The following DPY19L3 variants were observed in gnomAD, a reference collection of about 807,000 sequenced individuals.
DPY19L3 encodes protein C-mannosyl-transferase DPY19L3.
In DPY19L3, 51 loss-of-function variants were observed where a neutral mutation model predicts 92.3. The observed-to-expected ratio is 0.55, with a 90% CI of 0.44 to 0.70. DPY19L3 has a LOEUF of 0.70. DPY19L3 is among the 30% of genes least tolerant of loss of function. The pLI, the probability that DPY19L3 is intolerant of heterozygous loss-of-function variation, is 0.00. For missense variants in DPY19L3, 706 were observed against 855.9 expected, an observed-to-expected ratio of 0.82 and a Z score of 2.18; for synonymous variants, 309 against 315.2, an observed-to-expected ratio of 0.98 and a Z score of 0.21.
At chr19:32,419,050 C>T (rs765740699) in intron 3 of DPY19L3, among the ~76,000 whole-genome samples, 1 of 151,720 alleles carries the variant, frequency 6.6e-6, no homozygotes, top group Middle Eastern at 3.2e-3. Context: ...TTATATTTCC[C>T]TTGCTAGGAA....
intron 9 of DPY19L3, 146 bp downstream of exon 9, chr19:32,453,422 G>T: frequency 2.6e-6 from 2 of 769,752 alleles, no homozygotes; most frequent in Non-Finnish European, 4.0e-6. Flanking sequence ...GCTTTTTCTT[G>T]TGCATGTGGT....
chr19:32,438,486 ATT>A (rs1385513672), intron 6 of DPY19L3, among the ~76,000 whole-genome samples: 2 of 152,060 alleles, frequency 1.3e-5, no homozygotes, highest in African/African-American at 4.8e-5. Context: ...TGTTTGATAC[ATT>A]GTTTCATATA....
chr19:32,480,032 T>TG (rs1005891085), intron 17 of DPY19L3, among the ~76,000 whole-genome samples: 13 of 148,056 alleles, frequency 8.8e-5, no homozygotes, highest in African/African-American at 3.2e-4. Flanking sequence ...CATTTTAGTC[T>TG]GGGGGTCCCC....
At chr19:32,420,398 A>G (rs1187588699) in intron 3 of DPY19L3, among the ~76,000 whole-genome samples, 3 of 152,082 alleles carry the variant, frequency 2.0e-5, no homozygotes, top group African/African-American at 7.2e-5. Context: ...TGGCAGGTAC[A>G]GGAGCCAGTG....
intron 8 of DPY19L3, among the ~76,000 whole-genome samples, chr19:32,449,832 A>G (rs1363862381): frequency 1.3e-5 from 2 of 152,122 alleles, no homozygotes; most frequent in Admixed American, 1.3e-4. Flanking sequence ...CATAGTAATA[A>G]CTCTTCCTGA....
At chr19:32,467,901 CTTAAGTA>C (rs1970245265) in intron 15 of DPY19L3, 2 of 984,972 alleles carry the variant, frequency 2.0e-6, no homozygotes, top group African/African-American at 3.5e-5. Context: ...TTTAGAAAAC[CTTAAGTA>C]CTCAAGTTGA....
Position 32,482,509 on chromosome 19 carries a change from G to A in DPY19L3, c.*269G>A, listed in dbSNP as rs1372186543. 1 of 345,410 alleles carries A rather than the reference G, an allele frequency of 2.9e-6. No homozygotes were observed. The highest frequency in any genetic ancestry group is 5.3e-6 in the Non-Finnish European group (1 of 189,784). 21.4% of individuals were successfully genotyped at this position (345,410 alleles called of 1,614,324 possible). ...AGAGTGACCTAGAATTATGTTGTTG[G>A]AGAGAATGATGTGTGTTCCATGGAT... On this transcript the variant is annotated 3_prime_UTR_variant, in exon 19 of 19. Coordinates refer to ENST00000392250, the MANE Select transcript of DPY19L3 (RefSeq NM_001172774.2).
intron 8 of DPY19L3, among the ~76,000 whole-genome samples, chr19:32,452,869 T>G (rs1969748878): frequency 6.6e-6 from 1 of 151,606 alleles, no homozygotes; most frequent in African/African-American, 2.4e-5. Flanking sequence ...AATTTTTTTT[T>G]TTTTTTTTGT....
intron 15 of DPY19L3, chr19:32,468,464 G>A: frequency 9.0e-7 from 1 of 1,116,324 alleles, no homozygotes; most frequent in Non-Finnish European, 1.1e-6. Flanking sequence ...ATTTCTATTG[G>A]AGCAAAATAA....
At chr19:32,436,379 A>G (rs1351175771) in intron 4 of DPY19L3, 67 bp from the exon 5 acceptor site, 3 of 1,247,752 alleles carry the variant, frequency 2.4e-6, no homozygotes, top group African/African-American at 1.5e-5. Flanking sequence ...CAATCTGTGC[A>G]TAGTTTTGAA....
intron 3 of DPY19L3, among the ~76,000 whole-genome samples, chr19:32,427,332 C>T (rs762972568): frequency 2.0e-4 from 31 of 152,148 alleles, no homozygotes; most frequent in Non-Finnish European, 3.5e-4. Context: ...ATCTTTCGGT[C>T]AAATACTAAA....
Position 32,458,468 on chromosome 19 carries a change from C to T in DPY19L3, c.1281C>T (p.Ile427=), listed in dbSNP as rs777544466. 6 of 1,613,274 alleles carry T rather than the reference C, an allele frequency of 3.7e-6. No homozygotes were observed. The highest frequency in any genetic ancestry group is 5.1e-6 in the Non-Finnish European group (6 of 1,179,902). The stretch of plus-strand genomic sequence containing the variant: ...ATGCTTACATATTCGTTCTGTCCAT[C>T]ACAGTGATTGTAGCATTCGTTGTTG... ...LFYAYIFVLS[I]TVIVAFVVAF... The change falls in exon 12 of 19, where the codon ATC becomes ATT. Residue 427 remains isoleucine (I), a synonymous_variant. Coordinates refer to ENST00000392250, the MANE Select transcript of DPY19L3 (RefSeq NM_001172774.2).
At chr19:32,461,254 G>C (rs376792882) in intron 12 of DPY19L3, among the ~76,000 whole-genome samples, 2 of 143,302 alleles carry the variant, frequency 1.4e-5, no homozygotes, top group Non-Finnish European at 3.1e-5. Flanking sequence ...GCCTCCCAAA[G>C]TGTTGGGATG....
At chr19:32,417,300 A>T (rs1968410615) in intron 3 of DPY19L3, among the ~76,000 whole-genome samples, 1 of 152,090 alleles carries the variant, frequency 6.6e-6, no homozygotes, top group African/African-American at 2.4e-5. Flanking sequence ...TGATAGTGTC[A>T]CGAGATCTGA....
At chr19:32,416,915 A>C (rs1017319636) in intron 3 of DPY19L3, among the ~76,000 whole-genome samples, 9 of 152,206 alleles carry the variant, frequency 5.9e-5, no homozygotes, top group Non-Finnish European at 1.2e-4. Flanking sequence ...CAAAGCCCTG[A>C]CTCTCAGGCC....
Position 32,482,062 on chromosome 19 carries a change from G to T in DPY19L3, c.1990-17G>T, listed in dbSNP as rs1444641039. The T allele has an allele frequency of 1.2e-6, 2 of 1,603,898 alleles. No individual in the cohort carries two copies. The highest frequency in any genetic ancestry group is 1.7e-6 in the Non-Finnish European group (2 of 1,176,664). On this transcript the variant is annotated splice_polypyrimidine_tract_variant and intron_variant, in intron 18 of 18. Transcript: ENST00000392250. ...AATTTTCCCCCCAAATTGTATTTGG[G>T]TTTGTTTTGGTTTTAGATGATGGAT...
chr19:32,446,856 C>T (rs1052277644), intron 8 of DPY19L3, among the ~76,000 whole-genome samples: 7 of 152,078 alleles, frequency 4.6e-5, no homozygotes, highest in Admixed American at 2.0e-4. Flanking sequence ...CACCTTCAAC[C>T]GACAGAATCT....
At chr19:32,406,867 C>T (rs1396649918) in intron 1 of DPY19L3, among the ~76,000 whole-genome samples, 1 of 152,148 alleles carries the variant, frequency 6.6e-6, no homozygotes, top group Non-Finnish European at 1.5e-5. Context: ...TTAGGGAGGA[C>T]TCTAGGATGA....
chr19:32,454,310 C>T (rs767732771), intron 9 of DPY19L3, among the ~76,000 whole-genome samples: 6 of 152,154 alleles, frequency 3.9e-5, no homozygotes, highest in Non-Finnish European at 8.8e-5. Context: ...CGTGGTGGCT[C>T]ACACCTGTAA....
Sources: gnomAD v4.1 joint callset for allele counts (sites outside exome capture counted in the v4.1 genomes callset) on GRCh38, gnomAD v4.1.1 for gene constraint, MANE v1.5 for transcripts, NCBI Gene and HGNC (gene_info 2026-07-23, HGNC 2026-07-21) for gene names.